The following GALNT17 variants were observed in gnomAD, a reference collection of about 807,000 sequenced individuals.
The protein encoded by GALNT17 is polypeptide N-acetylgalactosaminyltransferase 17, also known as UDP-GalNAc:polypeptide N-acetylgalactosaminyltransferase-like 3.
In GALNT17, 29 loss-of-function variants were observed where a neutral mutation model predicts 63.7. The observed-to-expected ratio is 0.46, with a 90% confidence interval of 0.34 to 0.62. GALNT17 has a LOEUF of 0.62. Among genes scored for constraint, GALNT17 ranks in the 20% least tolerant of loss-of-function variants. The pLI is 0.01. For missense variants in GALNT17, 603 were observed against 799.6 expected (o/e 0.75, Z 2.97); for synonymous variants, 305 against 318.3 (o/e 0.96, Z 0.45).
At chr7:71,156,191 C>T (rs1043401894) in intron 1 of GALNT17, among the ~76,000 whole-genome samples, 5 of 150,114 alleles carry the variant, frequency 3.3e-5, no homozygotes, top group Admixed American at 6.6e-5. Context: ...AGTGAAACTC[C>T]GTCTCAAAAA....
chr7:71,441,635 T>G (rs923059639), intron 5 of GALNT17, among the ~76,000 whole-genome samples: 2 of 152,114 alleles, frequency 1.3e-5, no homozygotes, highest in African/African-American at 4.8e-5. Context: ...CTCCCTCCCT[T>G]CGCCCCTCAC....
chr7:71,498,832 G>T (rs772997153), intron 5 of GALNT17, among the ~76,000 whole-genome samples: 1 of 152,214 alleles, frequency 6.6e-6, no homozygotes, highest in Non-Finnish European at 1.5e-5. Context: ...GAGATGAATA[G>T]GGTTGAAATA....
intron 6 of GALNT17, among the ~76,000 whole-genome samples, chr7:71,661,537 A>G (rs1790907504): frequency 6.6e-6 from 1 of 152,118 alleles, no homozygotes; most frequent in South Asian, 2.1e-4. Flanking sequence ...CATGTTTAGG[A>G]TTTAAAATCC....
At chr7:71,202,126 G>A (rs1796078) in intron 1 of GALNT17, among the ~76,000 whole-genome samples, 50,900 of 151,600 alleles carry the variant, frequency 0.34, 10,369 homozygotes, top group African/African-American at 0.58. Context: ...TTTTTCTCTC[G>A]TTTTTTTCTG....
chr7:71,464,942 A>G (rs930122640), intron 5 of GALNT17, among the ~76,000 whole-genome samples: 50 of 152,334 alleles, frequency 3.3e-4, no homozygotes, highest in Admixed American at 1.4e-3. Context: ...AAGGAAGACA[A>G]ATTTATTTTG....
chr7:71,341,651 A>C lies in GALNT17; in HGVS notation c.422+5918A>C, dbSNP rs1792006498. Among the ~76,000 whole-genome samples the C allele has an allele frequency of 3.9e-5, 6 of 152,210 alleles. No homozygotes were observed. The South Asian group carries it at 1.2e-3, about 32-fold the overall frequency. The stretch of plus-strand genomic sequence containing the variant: ...TTAAATAATTTTGAGAGAAAAAAAT[A>C]ATGTTCCATTTAGAACTCTTAACAG... On this transcript the variant is annotated intron_variant, in intron 2 of 10. Transcript: ENST00000333538.
intron 9 of GALNT17, among the ~76,000 whole-genome samples, chr7:71,680,841 C>T (rs1455427212): frequency 1.4e-5 from 2 of 141,550 alleles, no homozygotes; most frequent in South Asian, 4.6e-4. Context: ...TCCTTTCTTC[C>T]TTTCCTTTCC....
intron 1 of GALNT17, among the ~76,000 whole-genome samples, chr7:71,134,032 TTACAAG>T (rs1410733151): frequency 7.2e-5 from 11 of 152,312 alleles, no homozygotes; most frequent in South Asian, 4.1e-4. Context: ...TGCAAAGACA[TTACAAG>T]TACATTATCT....
intron 5 of GALNT17, among the ~76,000 whole-genome samples, chr7:71,513,488 C>T (rs1001217806): frequency 5.9e-5 from 9 of 151,996 alleles, no homozygotes; most frequent in Admixed American, 1.3e-4. Context: ...CCAGTTCAAG[C>T]GATTCTCCTG....
rs757418430 is a variant in GALNT17, at chr7:71,157,415, C to T, written c.238+24375C>T. Among the ~76,000 whole-genome samples, 80 of 151,836 alleles carry T rather than the reference C, an allele frequency of 5.3e-4. 2 individuals carry two copies. Among genetic ancestry groups the T allele is most frequent in the African/African-American group, 1.8e-3 (74 of 41,248 alleles). On this transcript the variant is annotated intron_variant, in intron 1 of 10. Coordinates refer to ENST00000333538, the MANE Select transcript of GALNT17 (RefSeq NM_022479.3). ...GCTCATGCCTGTAATCCCAGCACTT[C>T]GGGAGGCTGAGGCGGGTGGATCACC...
Position 71,364,785 on chromosome 7 carries a change from T to G in GALNT17, c.423-23450T>G, listed in dbSNP as rs183944999. ...GCTGGCTGAGTGGAGAGCAAAATTC[T>G]TTAAAGATGTAGGAATGTAAGATGA... On this transcript the variant is annotated intron_variant, in intron 2 of 10. Coordinates refer to ENST00000333538, the MANE Select transcript of GALNT17 (RefSeq NM_022479.3). 2.8e-4 allele frequency among the ~76,000 whole-genome samples: 43 copies of G among 152,294 alleles called. No homozygotes were observed. The East Asian group carries it at 8.1e-3, about 29-fold the overall frequency.
At chr7:71,158,557 G>A (rs564947216) in intron 1 of GALNT17, among the ~76,000 whole-genome samples, 5 of 150,750 alleles carry the variant, frequency 3.3e-5, no homozygotes. Flanking sequence ...ACCACGCCTG[G>A]CTAATTTTTC....
At chr7:71,354,262 A>G (rs759885668) in intron 2 of GALNT17, among the ~76,000 whole-genome samples, 1 of 152,152 alleles carries the variant, frequency 6.6e-6, no homozygotes, top group Non-Finnish European at 1.5e-5. Context: ...CTCCAGGACA[A>G]TGTTGAATTA....
rs528584416 is a variant in GALNT17 at position 71,153,448 on chromosome 7, A to C, written c.238+20408A>C. On this transcript the variant is annotated intron_variant, in intron 1 of 10. Transcript: ENST00000333538. ...CCTGTAAAATCTAGACAAGATAGGA[A>C]GGGTGTTCAGGTTCTGTAATTTTAT... is the stretch of plus-strand genomic sequence containing the variant. 1.3e-5 allele frequency among the ~76,000 whole-genome samples: 2 copies of C among 152,258 alleles called. 1 individual carries two copies. Among genetic ancestry groups the C allele is most frequent in the South Asian group, 4.1e-4 (2 of 4,824 alleles).
chr7:71,346,499 A>C (rs1792098114), intron 2 of GALNT17, among the ~76,000 whole-genome samples: 1 of 151,914 alleles, frequency 6.6e-6, no homozygotes, highest in Non-Finnish European at 1.5e-5. Flanking sequence ...TTCTTTTGTA[A>C]ATGAGGCAAG....
At chr7:71,695,363 TG>T (rs1333815736) in intron 9 of GALNT17, among the ~76,000 whole-genome samples, 1 of 152,170 alleles carries the variant, frequency 6.6e-6, no homozygotes, top group Non-Finnish European at 1.5e-5. Context: ...GGAAACATAG[TG>T]CTTGAATCCA....
chr7:71,577,329 G>A (rs1324963664), intron 6 of GALNT17, among the ~76,000 whole-genome samples: 3 of 152,160 alleles, frequency 2.0e-5, no homozygotes, highest in Non-Finnish European at 2.9e-5. Context: ...CAACACCCAT[G>A]TGAGAAACTT....
intron 5 of GALNT17, among the ~76,000 whole-genome samples, chr7:71,530,749 T>C (rs1049937967): frequency 1.3e-5 from 2 of 151,940 alleles, no homozygotes; most frequent in African/African-American, 2.4e-5. Flanking sequence ...TTCTATTTTT[T>C]AGTAGAGACG....
At chr7:71,337,200 T>C (rs1791923573) in intron 2 of GALNT17, among the ~76,000 whole-genome samples, 1 of 152,202 alleles carries the variant, frequency 6.6e-6, no homozygotes, top group Non-Finnish European at 1.5e-5. Flanking sequence ...TTTCCCTTTT[T>C]CATTTAACAT....
Sources: gnomAD v4.1 joint callset for allele counts (sites outside exome capture counted in the v4.1 genomes callset) on GRCh38, gnomAD v4.1.1 for gene constraint, MANE v1.5 for transcripts, NCBI Gene and HGNC (gene_info 2026-07-23, HGNC 2026-07-21) for gene names.